Variants in CDYL2 observed in about 807,000 individuals in gnomAD.
CDYL2 encodes chromodomain Y like 2, also known as chromodomain Y-like protein 2.
Under a neutral mutation model 49.4 loss-of-function variants are expected in CDYL2, and 23 were observed. The ratio of observed to expected loss-of-function variants is 0.47; its 90% confidence interval spans 0.34 to 0.66. The LOEUF is 0.66. Ranked by LOEUF, CDYL2 falls within the 30% of genes least tolerant of loss-of-function variation. The pLI is 0.01. For synonymous variants in CDYL2, 360 were observed against 268.8 expected (o/e 1.34, Z -3.32); for missense variants, 678 against 656.4 (o/e 1.03, Z -0.36).
At chr16:80,686,161 T>C (rs1489840462) in intron 1 of CDYL2, among the ~76,000 whole-genome samples, 1 of 152,246 alleles carries the variant, frequency 6.6e-6, no homozygotes, top group Non-Finnish European at 1.5e-5. Context: ...CATGAGCTAC[T>C]GTCTACATGT....
chr16:80,670,741 G>C (rs1401255660), intron 2 of CDYL2, among the ~76,000 whole-genome samples: 3 of 152,078 alleles, frequency 2.0e-5, no homozygotes, highest in African/African-American at 4.8e-5. Context: ...TCTGGGACAG[G>C]ATGAAAGAAA....
intron 2 of CDYL2, among the ~76,000 whole-genome samples, chr16:80,658,919 T>C (rs2142431330): frequency 6.6e-6 from 1 of 152,334 alleles, no homozygotes; most frequent in South Asian, 2.1e-4. Context: ...CAAAAGGGCA[T>C]ATAAGGCAGC....
chr16:80,677,175 T>C (rs990681492), intron 2 of CDYL2, among the ~76,000 whole-genome samples: 2 of 151,726 alleles, frequency 1.3e-5, no homozygotes, highest in African/African-American at 4.8e-5. Context: ...TTTCGCCATG[T>C]TGCCCAGGCT....
chr16:80,722,372 T>C (rs1476831501), intron 1 of CDYL2, among the ~76,000 whole-genome samples: 1 of 152,136 alleles, frequency 6.6e-6, no homozygotes, highest in Non-Finnish European at 1.5e-5. Context: ...TCTTATAATC[T>C]GTAGTGTCTT....
At chr16:80,737,917 G>A (rs910437924) in intron 1 of CDYL2, among the ~76,000 whole-genome samples, 3 of 152,094 alleles carry the variant, frequency 2.0e-5, no homozygotes, top group Non-Finnish European at 2.9e-5. Flanking sequence ...TGTGCAGAAC[G>A]TGCAGGTTTG....
At chr16:80,701,022 A>G (rs1162523899) in intron 1 of CDYL2, among the ~76,000 whole-genome samples, 2 of 152,246 alleles carry the variant, frequency 1.3e-5, no homozygotes, top group Non-Finnish European at 2.9e-5. Flanking sequence ...ACTGTTGGAC[A>G]GGTAGCATGA....
At chr16:80,651,738 T>C (rs1040224051) in intron 2 of CDYL2, among the ~76,000 whole-genome samples, 4 of 152,154 alleles carry the variant, frequency 2.6e-5, no homozygotes, top group African/African-American at 9.7e-5. Flanking sequence ...ACTTTAGAAA[T>C]GAGCGGAGTT....
chr16:80,705,956 A>C (rs1031217406), intron 1 of CDYL2, among the ~76,000 whole-genome samples: 2 of 152,262 alleles, frequency 1.3e-5, no homozygotes, highest in Admixed American at 6.5e-5. Context: ...TTAAGGGAGA[A>C]AAGCATATAT....
At chr16:80,633,945 C>A (rs1182278535) in intron 2 of CDYL2, among the ~76,000 whole-genome samples, 1 of 152,184 alleles carries the variant, frequency 6.6e-6, no homozygotes, top group African/African-American at 2.4e-5. Flanking sequence ...TCCAGCCTCA[C>A]ACAGGATACA....
intron 3 of CDYL2, among the ~76,000 whole-genome samples, chr16:80,629,969 T>G (rs529630248): frequency 6.6e-6 from 1 of 152,298 alleles, no homozygotes; most frequent in South Asian, 2.1e-4. Context: ...CTGTAAAATT[T>G]CTATAAAGGA....
chr16:80,786,157 A>G lies in CDYL2; in HGVS notation c.24+17993T>C, dbSNP rs146924315. Among the ~76,000 whole-genome samples the G allele has an allele frequency of 2.8e-3, 423 of 152,364 alleles. 3 individuals carry two copies. Among genetic ancestry groups the G allele is most frequent in the African/African-American group, 9.8e-3 (408 of 41,570 alleles). ...GAGCTTCTGCGCAGCAAAAGAAACTATCATCACAGTGAACAGGCAACCTAC... is the reference window on the plus strand; with the variant it reads ...GAGCTTCTGCGCAGCAAAAGAAACTGTCATCACAGTGAACAGGCAACCTAC... On this transcript the variant is annotated intron_variant, in intron 1 of 6. Coordinates refer to ENST00000570137, the MANE Select transcript of CDYL2 (RefSeq NM_152342.4).
chr16:80,667,922 T>C (rs182857822), intron 2 of CDYL2, among the ~76,000 whole-genome samples: 2 of 152,352 alleles, frequency 1.3e-5, no homozygotes, highest in East Asian at 3.9e-4. Context: ...TGAATGCCCC[T>C]GACTCGCCAC....
chr16:80,722,295 G>T (rs1905023615), intron 1 of CDYL2, among the ~76,000 whole-genome samples: 1 of 152,112 alleles, frequency 6.6e-6, no homozygotes, highest in South Asian at 2.1e-4. Context: ...AGCAGGGCTG[G>T]GCACCAAGAC....
At chr16:80,618,627 C>T (rs1303540464) in intron 4 of CDYL2, among the ~76,000 whole-genome samples, 1 of 152,186 alleles carries the variant, frequency 6.6e-6, no homozygotes, top group South Asian at 2.1e-4. Flanking sequence ...GACCCAGCTA[C>T]AATACCTTAT....
chr16:80,647,871 G>T (rs1161494986), intron 2 of CDYL2, among the ~76,000 whole-genome samples: 1 of 151,976 alleles, frequency 6.6e-6, no homozygotes, highest in African/African-American at 2.4e-5. Flanking sequence ...TCAATAACAG[G>T]AATTTTAGAA....
At chr16:80,685,167 G>T in intron 1 of CDYL2, 38 bp from the exon 2 acceptor site, 1 of 1,534,098 alleles carries the variant, frequency 6.5e-7, no homozygotes, top group South Asian at 1.2e-5. Flanking sequence ...AACAGAGAGA[G>T]AGGGAGGAAA....
chr16:80,634,401 A>T (rs183190889), intron 2 of CDYL2, among the ~76,000 whole-genome samples: 195 of 152,346 alleles, frequency 1.3e-3, no homozygotes, highest in African/African-American at 4.1e-3. Flanking sequence ...CAAGGACAGA[A>T]AACCAAACAC....
intron 1 of CDYL2, among the ~76,000 whole-genome samples, chr16:80,703,763 G>A (rs1045240513): frequency 6.6e-6 from 1 of 152,154 alleles, no homozygotes; most frequent in Non-Finnish European, 1.5e-5. Flanking sequence ...CTGGTTACCA[G>A]GACCCCTACT....
chr16:80,711,846 G>A (rs1904606767), intron 1 of CDYL2, among the ~76,000 whole-genome samples: 1 of 152,006 alleles, frequency 6.6e-6, no homozygotes, highest in South Asian at 2.1e-4. Flanking sequence ...AGAGCATAAT[G>A]CCCTGGCTGA....
Sources: allele counts gnomAD v4.1 joint callset (sites outside exome capture counted in the v4.1 genomes callset), GRCh38; gene constraint gnomAD v4.1.1; transcripts MANE v1.5; gene names NCBI Gene and HGNC (gene_info 2026-07-23, HGNC 2026-07-21).